TLL1: variants seen among roughly 807,000 people sequenced by gnomAD.
TLL1 encodes tolloid like 1.
In TLL1, 49 loss-of-function variants were observed where a neutral mutation model predicts 128.2. The ratio of observed to expected loss-of-function variants is 0.38; its 90% CI spans 0.30 to 0.48. The LOEUF is 0.48. TLL1 is among the 20% of genes least tolerant of loss of function. The pLI, the probability that TLL1 is intolerant of heterozygous loss-of-function variation, is 0.96. For missense variants in TLL1, 1,123 were observed against 1,242.0 expected (o/e 0.90, Z 1.44); for synonymous variants, 454 against 418.8 (o/e 1.08, Z -1.03).
intron 19 of TLL1, among the ~76,000 whole-genome samples, chr4:166,094,516 A>C (rs1162342235): frequency 6.6e-6 from 1 of 152,126 alleles, no homozygotes; most frequent in African/African-American, 2.4e-5. Context: ...AACCCCAATC[A>C]CAATTTGTTA....
At chr4:166,070,373 A>C (rs564288142) in intron 16 of TLL1, among the ~76,000 whole-genome samples, 73 of 151,932 alleles carry the variant, frequency 4.8e-4, no homozygotes, top group Non-Finnish European at 8.5e-4. Flanking sequence ...ACATATTTTA[A>C]ATTTTTAATT....
intron 16 of TLL1, among the ~76,000 whole-genome samples, chr4:166,067,847 A>T (rs941547181): frequency 2.6e-5 from 4 of 151,758 alleles, no homozygotes; most frequent in African/African-American, 7.2e-5. Context: ...CAGATGAGGC[A>T]GCTGAGGAGT....
intron 1 of TLL1, among the ~76,000 whole-genome samples, chr4:165,901,292 T>C (rs1282601979): frequency 6.6e-6 from 1 of 151,992 alleles, no homozygotes; most frequent in African/African-American, 2.4e-5. Flanking sequence ...TGGTGAGGAG[T>C]TGTGATCCTT....
chr4:166,020,055 G>A (rs1738147538), intron 8 of TLL1, among the ~76,000 whole-genome samples: 1 of 152,056 alleles, frequency 6.6e-6, no homozygotes, highest in Non-Finnish European at 1.5e-5. Flanking sequence ...GTCTTTTTAT[G>A]CATTGTTGTG....
chr4:166,031,008 CA>C (rs1195049811), intron 9 of TLL1: 76 of 939,216 alleles, frequency 8.1e-5, no homozygotes, highest in Non-Finnish European at 9.4e-5. Flanking sequence ...TTAAAGTTAT[CA>C]AAAGTGATTT....
intron 8 of TLL1, among the ~76,000 whole-genome samples, chr4:166,024,598 G>A (rs1738405298): frequency 6.6e-6 from 1 of 152,196 alleles, no homozygotes; most frequent in African/African-American, 2.4e-5. Context: ...GGTGAACACA[G>A]ATCCTGATGC....
At chr4:165,922,923 C>T (rs1470644082) in intron 1 of TLL1, among the ~76,000 whole-genome samples, 1 of 152,114 alleles carries the variant, frequency 6.6e-6, no homozygotes, top group Non-Finnish European at 1.5e-5. Flanking sequence ...TCTTTGTTTA[C>T]CTGGTTTCTG....
At chr4:166,059,965 C>A in intron 14 of TLL1, 63 bp from the exon 15 acceptor site, 1 of 1,585,438 alleles carries the variant, frequency 6.3e-7, no homozygotes, top group Non-Finnish European at 8.6e-7. Context: ...AATTAATGGA[C>A]AGGTGCTAAG....
chr4:166,064,720 C>A (rs1185612635), intron 15 of TLL1, among the ~76,000 whole-genome samples: 1 of 152,036 alleles, frequency 6.6e-6, no homozygotes, highest in Non-Finnish European at 1.5e-5. Context: ...GCCTCGGAAA[C>A]AGTCTTTTAT....
At chr4:166,077,439 A>T (rs1222429395) in intron 17 of TLL1, among the ~76,000 whole-genome samples, 1 of 152,168 alleles carries the variant, frequency 6.6e-6, no homozygotes, top group Middle Eastern at 3.2e-3. Flanking sequence ...GAGAGAGAAA[A>T]TGTAAATACA....
chr4:166,091,011 T>A (rs993050296), intron 18 of TLL1, 117 bp from the exon 19 acceptor site: 3 of 788,808 alleles, frequency 3.8e-6, no homozygotes, highest in Non-Finnish European at 6.0e-6. Context: ...TGTAAATGTG[T>A]TAAATTATTA....
At chr4:166,010,944 A>G (rs1196625957) in intron 7 of TLL1, among the ~76,000 whole-genome samples, 1 of 151,250 alleles carries the variant, frequency 6.6e-6, no homozygotes, top group Non-Finnish European at 1.5e-5. Flanking sequence ...CTTGTCAAAG[A>G]TAATATGATC....
At chr4:165,948,314 C>T (rs1181735525) in intron 1 of TLL1, among the ~76,000 whole-genome samples, 1 of 151,920 alleles carries the variant, frequency 6.6e-6, no homozygotes, top group Non-Finnish European at 1.5e-5. Context: ...GGAGTTATAC[C>T]CAATGGATTA....
intron 1 of TLL1, among the ~76,000 whole-genome samples, chr4:165,935,636 T>G (rs1561038954): frequency 6.6e-6 from 1 of 152,212 alleles, no homozygotes. Flanking sequence ...ATTCTTCAAA[T>G]GTAACTGCAA....
intron 1 of TLL1, among the ~76,000 whole-genome samples, chr4:165,939,533 C>G (rs903047328): frequency 6.6e-6 from 1 of 151,762 alleles, no homozygotes; most frequent in African/African-American, 2.4e-5. Flanking sequence ...TTCAAATGAC[C>G]CACTGTTTTT....
At position 166,097,744 on chromosome 4, in the gene TLL1, G is replaced by C. The variant is rs985760554; in HGVS notation, c.2657-1533G>C. On this transcript the variant is annotated intron_variant, in intron 19 of 20. Transcript: ENST00000061240. ...TAACCATCTTCACTAAGGACTATCT[G>C]GTCACAGACTACCATCACAGTATTA... 3.9e-5 allele frequency among the ~76,000 whole-genome samples: 6 copies of C among 152,052 alleles called. No homozygotes were observed. The East Asian group carries it at 9.7e-4, about 25-fold the overall frequency.
At chr4:165,923,525 T>C (rs772660980) in intron 1 of TLL1, among the ~76,000 whole-genome samples, 10 of 140,800 alleles carry the variant, frequency 7.1e-5, no homozygotes, top group Non-Finnish European at 1.2e-4. Flanking sequence ...GCCTCCCGGG[T>C]TCACGCCATT....
intron 9 of TLL1, chr4:166,030,375 T>C: frequency 2.4e-6 from 1 of 425,138 alleles, no homozygotes. Flanking sequence ...GTCTTTCAAC[T>C]GTAGAAGTTT....
intron 1 of TLL1, among the ~76,000 whole-genome samples, chr4:165,971,573 G>A (rs2110978501): frequency 6.6e-6 from 1 of 152,262 alleles, no homozygotes; most frequent in South Asian, 2.1e-4. Flanking sequence ...GCTTCTGGTA[G>A]AAAACTGCTT....
Sources: gnomAD v4.1 joint callset for allele counts (sites outside exome capture counted in the v4.1 genomes callset) on GRCh38, gnomAD v4.1.1 for gene constraint, MANE v1.5 for transcripts, NCBI Gene and HGNC (gene_info 2026-07-23, HGNC 2026-07-21) for gene names.